Variants in DAAM1 observed in about 807,000 individuals in gnomAD.
DAAM1 encodes the protein dishevelled associated activator of morphogenesis 1.
A neutral mutation model predicts 130.0 loss-of-function variants in DAAM1; 52 were observed. The observed-to-expected ratio is 0.40, with a 90% CI of 0.32 to 0.50. The LOEUF is 0.50. Among genes scored for constraint, DAAM1 ranks in the 20% least tolerant of loss-of-function variants. The pLI is 0.61. For missense variants in DAAM1, 1,134 were observed against 1,303.8 expected, an observed-to-expected ratio of 0.87 and a Z score of 2.01; for synonymous variants, 452 against 444.5, an observed-to-expected ratio of 1.02 and a Z score of -0.21.
chr14:59,288,887 CTG>C (rs1883586575), intron 2 of DAAM1, among the ~76,000 whole-genome samples: 1 of 147,674 alleles, frequency 6.8e-6, no homozygotes, highest in African/African-American at 2.6e-5. Context: ...GTACCACACA[CTG>C]TTGTTGTTTT....
chr14:59,265,062 T>C (rs898342035), intron 2 of DAAM1: 16 of 152,360 alleles, frequency 1.1e-4, no homozygotes, highest in African/African-American at 3.8e-4. Context: ...CACTAGAGAA[T>C]ACTATTCATT....
At chr14:59,201,921 G>C (rs1888117699) in intron 1 of DAAM1, among the ~76,000 whole-genome samples, 1 of 152,104 alleles carries the variant, frequency 6.6e-6, no homozygotes, top group Non-Finnish European at 1.5e-5. Flanking sequence ...CTAATACACT[G>C]AACCTAATGC....
intron 1 of DAAM1, among the ~76,000 whole-genome samples, chr14:59,208,814 G>A (rs1363535372): frequency 2.0e-5 from 3 of 152,146 alleles, no homozygotes; most frequent in Non-Finnish European, 4.4e-5. Flanking sequence ...TTGGTGACGA[G>A]TGGGTTCTCG....
intron 1 of DAAM1, among the ~76,000 whole-genome samples, chr14:59,217,708 C>T (rs907196456): frequency 1.3e-5 from 2 of 152,004 alleles, no homozygotes; most frequent in Non-Finnish European, 2.9e-5. Context: ...CACAGTGGCT[C>T]ATGCCTGTAA....
intron 21 of DAAM1, among the ~76,000 whole-genome samples, chr14:59,359,880 TG>T (rs1886638392): frequency 6.6e-6 from 1 of 152,232 alleles, no homozygotes; most frequent in Admixed American, 6.5e-5. Context: ...GGCTCTTTAA[TG>T]GGAAGCATTC....
intron 1 of DAAM1, among the ~76,000 whole-genome samples, chr14:59,193,048 GT>G (rs1370986318): frequency 6.7e-6 from 1 of 148,836 alleles, no homozygotes; most frequent in Non-Finnish European, 1.5e-5. Flanking sequence ...GCGAGACTCC[GT>G]CTCAAAACAA....
At chr14:59,282,942 A>G (rs762991644) in intron 2 of DAAM1, among the ~76,000 whole-genome samples, 2 of 152,148 alleles carry the variant, frequency 1.3e-5, no homozygotes, top group African/African-American at 2.4e-5. Flanking sequence ...AGTGAAAATT[A>G]TCTTCCTGCA....
chr14:59,242,318 T>C (rs1236744734), intron 1 of DAAM1, among the ~76,000 whole-genome samples: 1 of 152,174 alleles, frequency 6.6e-6, no homozygotes, highest in Non-Finnish European at 1.5e-5. Flanking sequence ...ATTATATGCC[T>C]AGTAGCAGTG....
intron 4 of DAAM1, among the ~76,000 whole-genome samples, chr14:59,319,939 C>T (rs1884942992): frequency 6.6e-6 from 1 of 152,134 alleles, no homozygotes; most frequent in African/African-American, 2.4e-5. Context: ...CACACACACA[C>T]ACACACTCAC....
chr14:59,204,614 G>A (rs1888205603), intron 1 of DAAM1, among the ~76,000 whole-genome samples: 2 of 152,338 alleles, frequency 1.3e-5, no homozygotes, highest in African/African-American at 2.4e-5. Flanking sequence ...AAGTGGGGAA[G>A]GGAATTATAT....
intron 2 of DAAM1, among the ~76,000 whole-genome samples, chr14:59,283,482 A>C (rs1003223407): frequency 5.3e-5 from 8 of 152,062 alleles, no homozygotes; most frequent in African/African-American, 1.9e-4. Context: ...CTTAATAGCT[A>C]GTTTTTGTGG....
chr14:59,287,951 C>G (rs1883535375), intron 2 of DAAM1, among the ~76,000 whole-genome samples: 2 of 152,042 alleles, frequency 1.3e-5, no homozygotes, highest in Admixed American at 1.3e-4. Flanking sequence ...CAAAGAGGAG[C>G]ACGGACCATC....
At chr14:59,258,445 C>G (rs1882010129) in intron 1 of DAAM1, among the ~76,000 whole-genome samples, 1 of 152,114 alleles carries the variant, frequency 6.6e-6, no homozygotes, top group Non-Finnish European at 1.5e-5. Context: ...TTAAGTCTCA[C>G]CTATGAAATG....
At chr14:59,336,969 C>G (rs1160371613) in intron 15 of DAAM1, among the ~76,000 whole-genome samples, 1 of 152,144 alleles carries the variant, frequency 6.6e-6, no homozygotes, top group African/African-American at 2.4e-5. Context: ...AGCCACACAC[C>G]CGGTAAATAA....
At position 59,291,312 on chromosome 14, in the gene DAAM1, A is replaced by AT; in HGVS notation, c.273+10dup. The AT allele has an allele frequency of 6.3e-7, 1 of 1,592,556 alleles. No homozygotes were observed. On this transcript the variant is annotated splice_region_variant and intron_variant, in intron 3 of 24. Coordinates refer to ENST00000360909, the MANE Select transcript of DAAM1 (RefSeq NM_001270520.2). ...TATACTGTAGCAAGAAAAAGGTAAGATTTTCATTGTGATTATGGTTAACTG... is the reference window on the plus strand; with the variant it reads ...TATACTGTAGCAAGAAAAAGGTAAGATTTTTCATTGTGATTATGGTTAACTG...
At chr14:59,211,069 A>C (rs1367033679) in intron 1 of DAAM1, among the ~76,000 whole-genome samples, 1 of 152,206 alleles carries the variant, frequency 6.6e-6, no homozygotes, top group Non-Finnish European at 1.5e-5. Flanking sequence ...TCATAAACCA[A>C]TATTGTAGGA....
chr14:59,353,828 C>T, intron 18 of DAAM1, 48 bp from the exon 19 acceptor site: 1 of 1,573,080 alleles, frequency 6.4e-7, no homozygotes. Context: ...ATTAAGTGAA[C>T]CTAGATATAT....
At chr14:59,215,493 G>A (rs916063018) in intron 1 of DAAM1, among the ~76,000 whole-genome samples, 1 of 152,248 alleles carries the variant, frequency 6.6e-6, no homozygotes. Flanking sequence ...GGCTTGGGCT[G>A]TTGGCAAGCT....
chr14:59,364,615 G>C (rs1271750673), intron 23 of DAAM1, among the ~76,000 whole-genome samples: 1 of 151,116 alleles, frequency 6.6e-6, no homozygotes, highest in Non-Finnish European at 1.5e-5. Context: ...CCATCTCTCA[G>C]TTGCCACAAC....
Sources: gnomAD v4.1 joint callset for allele counts (sites outside exome capture counted in the v4.1 genomes callset) on GRCh38, gnomAD v4.1.1 for gene constraint, MANE v1.5 for transcripts, NCBI Gene and HGNC (gene_info 2026-07-23, HGNC 2026-07-21) for gene names.